RPRD2: variants seen among roughly 807,000 people sequenced by gnomAD.
RPRD2 encodes regulation of nuclear pre-mRNA domain containing 2.
A neutral mutation model predicts 104.4 loss-of-function variants in RPRD2; 12 were observed. That is an observed-to-expected ratio of 0.11 (90% confidence interval 0.07 to 0.19). The LOEUF is 0.19. Ranked by LOEUF, RPRD2 falls within the 10% of genes least tolerant of loss-of-function variation. The pLI is 1.00. For missense variants in RPRD2, 1,543 were observed against 1,790.1 expected (o/e 0.86, Z 2.49); for synonymous variants, 714 against 684.9 (o/e 1.04, Z -0.66).
chr1:150,401,744 C>T (rs1163162967), intron 1 of RPRD2, among the ~76,000 whole-genome samples: 6 of 145,784 alleles, frequency 4.1e-5, no homozygotes, highest in Non-Finnish European at 7.5e-5. Context: ...CCTGGTTTCA[C>T]GCCCTTCTCC....
Position 150,434,546 on chromosome 1 carries a change from T to C in RPRD2, c.336-6377T>C, listed in dbSNP as rs181677855. Among the ~76,000 whole-genome samples, 6 of 152,202 alleles carry C rather than the reference T, an allele frequency of 3.9e-5. No homozygotes were observed. In the East Asian group the frequency reaches 1.2e-3, roughly 29 times the overall value. On this transcript the variant is annotated intron_variant, in intron 2 of 10. Transcript: ENST00000369068. ...AAGTAATGTTTAGGGCTGGGCCCTG[T>C]GGCTTACACCTGTAATCCCAACACT...
At chr1:150,409,707 G>T (rs1468191320) in intron 1 of RPRD2, among the ~76,000 whole-genome samples, 1 of 145,310 alleles carries the variant, frequency 6.9e-6, no homozygotes, top group Non-Finnish European at 1.5e-5. Flanking sequence ...GAAGTGCAGT[G>T]GCGCAATCTT....
chr1:150,430,755 C>A (rs1447307390), intron 2 of RPRD2, among the ~76,000 whole-genome samples: 1 of 152,066 alleles, frequency 6.6e-6, no homozygotes, highest in Non-Finnish European at 1.5e-5. Flanking sequence ...CATGGAGAAA[C>A]CCCGTCTCTA....
chr1:150,404,497 C>T (rs781994562), intron 1 of RPRD2, among the ~76,000 whole-genome samples: 34 of 151,884 alleles, frequency 2.2e-4, no homozygotes, highest in Middle Eastern at 3.2e-3. Context: ...CCTCCTGCCT[C>T]GCTCGGCCTC....
chr1:150,369,060 A>T (rs979632483), intron 1 of RPRD2, among the ~76,000 whole-genome samples: 2 of 152,212 alleles, frequency 1.3e-5, no homozygotes, highest in Admixed American at 1.3e-4. Context: ...AACAACTAGG[A>T]TAGTGCTGGC....
Position 150,472,999 on chromosome 1 carries a change from G to A in RPRD2, c.4051G>A (p.Gly1351Ser), listed in dbSNP as rs1570811548. 6.2e-7 allele frequency: 1 copy of A among 1,613,974 alleles called. No individual in the cohort carries two copies. Residue 1351 changes from glycine (G) to serine (S), a missense_variant, in exon 11 of 11, where the codon GGC becomes AGC. Gly to Ser is a moderately conservative substitution (Grantham distance 56). Coordinates refer to ENST00000369068, the MANE Select transcript of RPRD2 (RefSeq NM_015203.5). ...ACTCCCAGGACCCAGGGACCACGGGGGCCCCACCCAACGGGACCTCAACGG... is the reference window on the plus strand; with the variant it reads ...ACTCCCAGGACCCAGGGACCACGGGAGCCCCACCCAACGGGACCTCAACGG... Reference protein sequence around the residue: ...GVLPGPRDHGGPTQRDLNGPG... With the variant: ...GVLPGPRDHGSPTQRDLNGPG...
intron 1 of RPRD2, among the ~76,000 whole-genome samples, chr1:150,409,972 C>G (rs1342456898): frequency 6.6e-6 from 1 of 151,960 alleles, no homozygotes; most frequent in Non-Finnish European, 1.5e-5. Context: ...GTAAGGTAGT[C>G]AGGAACATAT....
rs763082982 is a variant in RPRD2 at position 150,471,199 on chromosome 1, T to A, written c.2251T>A (p.Ser751Thr). Residue 751 changes from serine to threonine, a missense_variant, in exon 11 of 11, where the codon TCC (serine) becomes ACC (threonine). Transcript: ENST00000369068. The surrounding 1 kb of genome is among the most constrained non-coding windows in gnomAD (Gnocchi z 5.3). ...CACATCCAGCAGTGTAGATACTATG[T>A]CCCTGCTTTCTAAGATCATTAGCCC... ...KPTSSSVDTM[S>T]LLSKIISPGS... The A allele has an allele frequency of 1.9e-6, 3 of 1,613,434 alleles. No homozygotes were observed. The South Asian group carries it at 3.3e-5, about 18-fold the overall frequency.
intron 1 of RPRD2, among the ~76,000 whole-genome samples, chr1:150,385,939 G>A (rs1035931309): frequency 1.3e-5 from 2 of 152,132 alleles, no homozygotes; most frequent in Non-Finnish European, 2.9e-5. Context: ...GGGTAGAGGG[G>A]AATGAGTTAG....
intron 1 of RPRD2, among the ~76,000 whole-genome samples, chr1:150,400,946 G>A (rs1662943988): frequency 6.6e-6 from 1 of 152,020 alleles, no homozygotes; most frequent in Non-Finnish European, 1.5e-5. Flanking sequence ...GGAGGCCAAG[G>A]TGGGTGGATC....
intron 6 of RPRD2, 125 bp downstream of exon 6, chr1:150,444,502 T>G (rs1666626476): frequency 3.5e-6 from 3 of 863,246 alleles, no homozygotes; most frequent in Admixed American, 3.1e-5. Flanking sequence ...CACCTCTGGT[T>G]TCCCAGGTAG....
At chr1:150,413,388 G>A (rs144073030) in intron 1 of RPRD2, among the ~76,000 whole-genome samples, 2,970 of 152,186 alleles carry the variant, frequency 0.02, 84 homozygotes, top group African/African-American at 0.067. Context: ...ATCACCTGAG[G>A]TCGGGAGTTT....
At chr1:150,405,729 A>G (rs1663419932) in intron 1 of RPRD2, among the ~76,000 whole-genome samples, 1 of 152,164 alleles carries the variant, frequency 6.6e-6, no homozygotes, top group Non-Finnish European at 1.5e-5. Flanking sequence ...GTAGAAATAA[A>G]CAGTTCATAA....
At chr1:150,388,425 T>TAC (rs782516676) in intron 1 of RPRD2, among the ~76,000 whole-genome samples, 1 of 150,886 alleles carries the variant, frequency 6.6e-6, no homozygotes, top group South Asian at 2.1e-4. Context: ...TGTATATATA[T>TAC]ACATATATAC....
intron 1 of RPRD2, among the ~76,000 whole-genome samples, chr1:150,411,828 AAAG>A (rs1419267420): frequency 1.3e-5 from 2 of 148,886 alleles, no homozygotes; most frequent in Non-Finnish European, 3.0e-5. Flanking sequence ...GAAACAAACA[AAAG>A]AAGAAGGCAG....
chr1:150,431,831 A>C (rs1553891854), intron 2 of RPRD2, among the ~76,000 whole-genome samples: 1 of 152,072 alleles, frequency 6.6e-6, no homozygotes, highest in Non-Finnish European at 1.5e-5. Context: ...AACTTTGATG[A>C]CATTATGCTA....
intron 1 of RPRD2, among the ~76,000 whole-genome samples, chr1:150,407,549 A>G (rs1663573033): frequency 6.6e-6 from 1 of 152,180 alleles, no homozygotes; most frequent in South Asian, 2.1e-4. Flanking sequence ...CACTCTCAAA[A>G]TGTAACAGTT....
intron 9 of RPRD2, among the ~76,000 whole-genome samples, chr1:150,463,020 G>C (rs1668039578): frequency 6.6e-6 from 1 of 152,108 alleles, no homozygotes; most frequent in South Asian, 2.1e-4. Context: ...ATCTGGCTAA[G>C]TTTTGTGGGT....
chr1:150,472,197 C>T lies in RPRD2; in HGVS notation c.3249C>T (p.Ala1083=), dbSNP rs1375475002. The T allele has an allele frequency of 2.5e-6, 4 of 1,613,788 alleles. No individual in the cohort carries two copies. Among genetic ancestry groups the T allele is most frequent in the Non-Finnish European group, 8.5e-7 (1 of 1,179,892 alleles). The change falls in exon 11 of 11, where the codon GCC becomes GCT. Residue 1083 remains alanine, a synonymous_variant. Transcript: ENST00000369068. ...DLPDSTEEKG[A]PIETLGYHSA... The stretch of plus-strand genomic sequence containing the variant: ...CTGATAGCACAGAAGAAAAGGGGGC[C>T]CCTATAGAAACCTTGGGTTATCACA...
Sources: gnomAD v4.1 joint callset for allele counts (sites outside exome capture counted in the v4.1 genomes callset) on GRCh38, gnomAD v4.1.1 for gene constraint, Gnocchi (gnomAD v3.1) non-coding constraint, MANE v1.5 for transcripts, NCBI Gene and HGNC (gene_info 2026-07-23, HGNC 2026-07-21) for gene names.